Variants in ARHGAP24 observed in about 807,000 individuals in gnomAD.
ARHGAP24 encodes the protein rho GTPase-activating protein 24.
A neutral mutation model predicts 76.4 loss-of-function variants in ARHGAP24; 50 were observed. That is an observed-to-expected ratio of 0.65 (90% CI 0.52 to 0.83). The LOEUF is 0.83. Ranked by LOEUF, ARHGAP24 falls within the 40% of genes least tolerant of loss-of-function variation. ARHGAP24 has a pLI of 0.00. For missense variants in ARHGAP24, 930 were observed against 914.2 expected (o/e 1.02, Z -0.22); for synonymous variants, 345 against 323.3 (o/e 1.07, Z -0.72).
intron 3 of ARHGAP24, among the ~76,000 whole-genome samples, chr4:85,844,666 G>A (rs565060485): frequency 3.0e-4 from 45 of 152,290 alleles, no homozygotes; most frequent in African/African-American, 9.1e-4. Flanking sequence ...GATGTGTCCC[G>A]TATAAATTGC....
At position 85,995,057 on chromosome 4, in the gene ARHGAP24, C is replaced by T. The variant is rs758419250; in HGVS notation, c.1403C>T (p.Ser468Phe). 4 of 1,613,964 alleles carry T rather than the reference C, an allele frequency of 2.5e-6. No individual in the cohort carries two copies. The highest frequency in any genetic ancestry group is 3.4e-6 in the Non-Finnish European group (4 of 1,180,030). The change falls in exon 9 of 10, where the codon TCT becomes TTT. Residue 468 changes from serine (S) to phenylalanine (F), a missense_variant. Ser to Phe is a radical substitution (Grantham distance 155). Transcript: ENST00000395184. ...AGAAGGAGCTCTTCACTGAAGGTATCTGGTACCAAAATGGGCACGCACAGT... is the reference window on the plus strand; with the variant it reads ...AGAAGGAGCTCTTCACTGAAGGTATTTGGTACCAAAATGGGCACGCACAGT... Reference protein sequence around the residue: ...QARRSSSLKVSGTKMGTHSVQ... With the variant: ...QARRSSSLKVFGTKMGTHSVQ...
intron 3 of ARHGAP24, among the ~76,000 whole-genome samples, chr4:85,810,921 A>G (rs1392247718): frequency 6.6e-6 from 1 of 152,178 alleles, no homozygotes; most frequent in Non-Finnish European, 1.5e-5. Flanking sequence ...AACACCCTCC[A>G]TGTTTACTTG....
At chr4:85,942,448 A>G (rs1379389123) in intron 5 of ARHGAP24, 175 bp downstream of exon 5, 2 of 687,460 alleles carry the variant, frequency 2.9e-6, no homozygotes, top group Non-Finnish European at 4.9e-6. Flanking sequence ...AAAATTGGGC[A>G]CCTTAGATAT....
At chr4:85,543,128 T>C (rs1725775995) in intron 1 of ARHGAP24, among the ~76,000 whole-genome samples, 2 of 152,170 alleles carry the variant, frequency 1.3e-5, no homozygotes, top group Admixed American at 1.3e-4. Flanking sequence ...GACTCCCTCA[T>C]AGGGCACTTA....
Position 85,732,581 on chromosome 4 carries a change from G to A in ARHGAP24, c.268+10609G>A, listed in dbSNP as rs530094769. Reference sequence around the variant, plus strand: ...ATCCCTAGGACTGTCAGGCTTCCTGGCTTTAAAATGGACCTTATCTTTATT... The same window carrying A: ...ATCCCTAGGACTGTCAGGCTTCCTGACTTTAAAATGGACCTTATCTTTATT... On this transcript the variant is annotated intron_variant, in intron 3 of 9. Transcript: ENST00000395184. Among the ~76,000 whole-genome samples the A allele has an allele frequency of 3.3e-5, 5 of 152,170 alleles. No homozygotes were observed. In the East Asian group the frequency reaches 7.7e-4, roughly 23 times the overall value.
chr4:85,682,981 C>T (rs182636571), intron 2 of ARHGAP24, among the ~76,000 whole-genome samples: 116 of 152,080 alleles, frequency 7.6e-4, no homozygotes, highest in Middle Eastern at 3.4e-3. Flanking sequence ...TTGCCTGGTA[C>T]ATTACAATAA....
rs533828411 is a variant in ARHGAP24 at position 85,679,019 on chromosome 4, C to G, written c.181-42866C>G. On this transcript the variant is annotated intron_variant, in intron 2 of 9. Transcript: ENST00000395184. ...TTTATTGACAGGCGCAGGAGTCACG[C>G]AAAATATAAGAACTCAAAGAAAGGC... is the stretch of plus-strand genomic sequence containing the variant. Among the ~76,000 whole-genome samples, 18 of 152,086 alleles carry G rather than the reference C, an allele frequency of 1.2e-4. No individual in the cohort carries two copies. The South Asian group carries it at 2.1e-3, about 18-fold the overall frequency.
chr4:85,657,902 G>A (rs1200215012), intron 2 of ARHGAP24, among the ~76,000 whole-genome samples: 2 of 152,034 alleles, frequency 1.3e-5, no homozygotes, highest in African/African-American at 2.4e-5. Context: ...CCACAGGTGC[G>A]TGCCACCATG....
intron 5 of ARHGAP24, among the ~76,000 whole-genome samples, chr4:85,943,811 A>G (rs1247582650): frequency 1.3e-5 from 2 of 151,328 alleles, no homozygotes; most frequent in Non-Finnish European, 2.9e-5. Context: ...AAGGCTGCAT[A>G]GTATTCCATG....
At chr4:85,855,554 A>T (rs935838235) in intron 3 of ARHGAP24, among the ~76,000 whole-genome samples, 2 of 151,608 alleles carry the variant, frequency 1.3e-5, no homozygotes, top group Non-Finnish European at 1.5e-5. Context: ...TAAAGTACAA[A>T]AATTAGCTGG....
At chr4:85,893,955 G>C (rs13139737) in intron 3 of ARHGAP24, among the ~76,000 whole-genome samples, 8 of 97,686 alleles carry the variant, frequency 8.2e-5, no homozygotes, top group Non-Finnish European at 1.2e-4. Flanking sequence ...GTGGTGGGGT[G>C]GGGGGAGGGG....
intron 2 of ARHGAP24, among the ~76,000 whole-genome samples, chr4:85,612,293 T>C (rs1720415428): frequency 6.8e-6 from 1 of 146,606 alleles, no homozygotes; most frequent in African/African-American, 2.4e-5. Flanking sequence ...GGTGGGCGCC[T>C]GTAGTCCCAG....
At chr4:85,769,088 T>A (rs137942876) in intron 3 of ARHGAP24, among the ~76,000 whole-genome samples, 201 of 152,238 alleles carry the variant, frequency 1.3e-3, no homozygotes, top group African/African-American at 3.8e-3. Flanking sequence ...AATAGTCATA[T>A]CCTTATGAAA....
intron 3 of ARHGAP24, among the ~76,000 whole-genome samples, chr4:85,731,792 A>T (rs1028820055): frequency 3.9e-5 from 6 of 152,192 alleles, no homozygotes; most frequent in African/African-American, 1.4e-4. Flanking sequence ...GAGATGGTGG[A>T]TATGCAAATT....
At chr4:85,770,364 C>T (rs918195874) in intron 3 of ARHGAP24, among the ~76,000 whole-genome samples, 10 of 152,096 alleles carry the variant, frequency 6.6e-5, no homozygotes, top group African/African-American at 2.4e-4. Flanking sequence ...ATTTTATATC[C>T]AATGCTTTCT....
At chr4:85,615,651 T>A (rs1355454416) in intron 2 of ARHGAP24, among the ~76,000 whole-genome samples, 1 of 152,214 alleles carries the variant, frequency 6.6e-6, no homozygotes, top group East Asian at 1.9e-4. Context: ...TATATAACTC[T>A]ATGATATATA....
rs201491396 is a variant in ARHGAP24, at chr4:85,974,009, A to ATT, written c.733-861_733-860dup. Among the ~76,000 whole-genome samples, 420 of 127,098 alleles carry ATT rather than the reference A, an allele frequency of 3.3e-3. 3 individuals carry two copies. The highest frequency in any genetic ancestry group is 7.9e-3 in the Middle Eastern group (2 of 254). 83.4% of individuals were successfully genotyped at this position (127,098 alleles called of 152,430 possible). ...AGGCGCCCGCCACCAAGCCTGGCTA[A>ATT]TTTTTTTTTTTTTTTTTTTGTATTT... On this transcript the variant is annotated intron_variant, in intron 6 of 9. Transcript: ENST00000395184.
chr4:85,664,829 G>T (rs1447828615), intron 2 of ARHGAP24, among the ~76,000 whole-genome samples: 1 of 152,164 alleles, frequency 6.6e-6, no homozygotes, highest in East Asian at 1.9e-4. Flanking sequence ...AGTTTTGAGT[G>T]AGTTTCTTAA....
chr4:85,475,664 GGGGGGC>G (rs1722556186), intron 1 of ARHGAP24, 105 bp downstream of exon 1: 1 of 34,468 alleles, frequency 2.9e-5, no homozygotes, highest in Admixed American at 2.6e-4. Context: ...AGGGGGCTGC[GGGGGGC>G]GGGGAGGGGG....
Sources: gnomAD v4.1 joint callset for allele counts (sites outside exome capture counted in the v4.1 genomes callset) on GRCh38, gnomAD v4.1.1 for gene constraint, MANE v1.5 for transcripts, NCBI Gene and HGNC (gene_info 2026-07-23, HGNC 2026-07-21) for gene names.